The following LUC7L3 variants were observed in gnomAD, a reference collection of about 807,000 sequenced individuals.
The protein encoded by LUC7L3 is luc7-like protein 3.
A neutral mutation model predicts 66.8 loss-of-function variants in LUC7L3; 6 were observed. The observed-to-expected ratio is 0.09, with a 90% CI of 0.05 to 0.18. The LOEUF (loss-of-function observed/expected upper bound fraction) is 0.18. Among genes scored for constraint, LUC7L3 ranks in the 10% least tolerant of loss-of-function variants. The pLI, the probability that LUC7L3 is intolerant of heterozygous loss-of-function variation, is 1.00. For synonymous variants in LUC7L3, 160 were observed against 174.7 expected (o/e 0.92, Z 0.66); for missense variants, 341 against 531.1 (o/e 0.64, Z 3.52).
Position 50,733,964 on chromosome 17 carries a change from T to C in LUC7L3, c.100-2996T>C, listed in dbSNP as rs545502258. ...GTTTATAAAAATCGAGTATTGGCATTGGTATTTTACTGTGTTGCATTTAAA... is the reference window on the plus strand; with the variant it reads ...GTTTATAAAAATCGAGTATTGGCATCGGTATTTTACTGTGTTGCATTTAAA... On this transcript the variant is annotated intron_variant, in intron 1 of 9. Coordinates refer to ENST00000505658, the MANE Select transcript of LUC7L3 (RefSeq NM_016424.5). 2.0e-5 allele frequency among the ~76,000 whole-genome samples: 3 copies of C among 152,274 alleles called. No individual in the cohort carries two copies. In the East Asian group the frequency reaches 5.8e-4, roughly 29 times the overall value.
At chr17:50,735,462 TC>T (rs1284810258) in intron 1 of LUC7L3, among the ~76,000 whole-genome samples, 3 of 152,052 alleles carry the variant, frequency 2.0e-5, no homozygotes, top group African/African-American at 7.2e-5. Context: ...TCATTTCCTT[TC>T]CCTTTTCCTT....
chr17:50,738,186 A>C (rs1168550056), intron 2 of LUC7L3: 1 of 455,548 alleles, frequency 2.2e-6, no homozygotes, highest in Middle Eastern at 3.3e-4. Context: ...GTTCCTGAGA[A>C]GTGATCTCTG....
At position 50,755,720 on chromosome 17, in the gene LUC7L3, C is replaced by T. The variant is rs1490654688; in HGVS notation, c.*5059C>T. Reference sequence around the variant, plus strand: ...GTAGCCATTCATTCCCGGATACATACCCTAGAGAAACTCTTACACATGCGT... The same window carrying T: ...GTAGCCATTCATTCCCGGATACATATCCTAGAGAAACTCTTACACATGCGT... On this transcript the variant is annotated 3_prime_UTR_variant, in exon 10 of 10. Coordinates refer to ENST00000505658, the MANE Select transcript of LUC7L3 (RefSeq NM_016424.5). 4 of 152,130 alleles carry T rather than the reference C, an allele frequency of 2.6e-5. No homozygotes were observed. Among genetic ancestry groups the T allele is most frequent in the African/African-American group, 9.7e-5 (4 of 41,430 alleles). 9.4% of individuals were successfully genotyped at this position (152,130 alleles called of 1,614,324 possible). A position where few individuals can be genotyped will look rare whatever the true frequency, so the allele number is the denominator to read the frequency against.
intron 1 of LUC7L3, chr17:50,723,786 G>A: frequency 3.0e-6 from 1 of 336,092 alleles, no homozygotes; most frequent in Non-Finnish European, 5.9e-6. Flanking sequence ...GCAGGTGTGG[G>A]CCACCACGCC....
rs144293937 is a variant in LUC7L3 at position 50,740,857 on chromosome 17, G to T, written c.207-245G>T. Among the ~76,000 whole-genome samples, 13 of 152,248 alleles carry T rather than the reference G, an allele frequency of 8.5e-5. No homozygotes were observed. The East Asian group carries it at 2.1e-3, about 25-fold the overall frequency. On this transcript the variant is annotated intron_variant, in intron 3 of 9. Transcript: ENST00000505658. ...TTACAGGCGTGAGCCACCATGCCCA[G>T]CCCCGATTTTATCCATGAGACTTGT... is the stretch of plus-strand genomic sequence containing the variant.
chr17:50,746,030 C>T (rs772275367), intron 8 of LUC7L3, 27 bp downstream of exon 8: 2 of 1,562,022 alleles, frequency 1.3e-6, no homozygotes, highest in Non-Finnish European at 1.7e-6. Context: ...CTAAGACTGT[C>T]CAGCTCATAA....
chr17:50,753,832 A>G lies in LUC7L3; in HGVS notation c.*3171A>G, dbSNP rs1971061156. On this transcript the variant is annotated 3_prime_UTR_variant, in exon 10 of 10. Coordinates refer to ENST00000505658, the MANE Select transcript of LUC7L3 (RefSeq NM_016424.5). The stretch of plus-strand genomic sequence containing the variant: ...TAGAATCAACGTCTAACTAACTTAA[A>G]TGAAGTATAATAAATGAGTTCATAT... 6.6e-6 allele frequency: 1 copy of G among 152,208 alleles called. No homozygotes were observed. The highest frequency in any genetic ancestry group is 2.4e-5 in the African/African-American group (1 of 41,452). 9.4% of individuals were successfully genotyped at this position (152,208 alleles called of 1,614,324 possible). A position where few individuals can be genotyped will look rare whatever the true frequency, so the allele number is the denominator to read the frequency against.
At chr17:50,749,267 C>G in intron 9 of LUC7L3, 1 of 1,289,144 alleles carries the variant, frequency 7.8e-7, no homozygotes, top group Non-Finnish European at 1.0e-6. Flanking sequence ...TACGGGACAA[C>G]AAGACGACTC....
chr17:50,728,118 A>C (rs1249820891), intron 1 of LUC7L3, among the ~76,000 whole-genome samples: 1 of 4,144 alleles, frequency 2.4e-4, no homozygotes, highest in Non-Finnish European at 6.3e-4. Flanking sequence ...ATCTGTCTCA[A>C]AAAAAAAAAA....
chr17:50,753,167 CTATCTA>C lies in LUC7L3; in HGVS notation c.*2509_*2514del, dbSNP rs1457475312. On this transcript the variant is annotated 3_prime_UTR_variant, in exon 10 of 10. Coordinates refer to ENST00000505658, the MANE Select transcript of LUC7L3 (RefSeq NM_016424.5). ...ATCTAGGAAAACCGGCAGCATGTTT[CTATCTA>C]TAGCCAGCTTCTTCGACTGTATAAA... The C allele has an allele frequency of 6.6e-6, 1 of 152,388 alleles. No individual in the cohort carries two copies. Among genetic ancestry groups the C allele is most frequent in the Non-Finnish European group, 1.5e-5 (1 of 68,036 alleles). 9.4% of individuals were successfully genotyped at this position (152,388 alleles called of 1,614,324 possible). A position where few individuals can be genotyped will look rare whatever the true frequency, so the allele number is the denominator to read the frequency against.
At chr17:50,734,667 A>G (rs1246706478) in intron 1 of LUC7L3, among the ~76,000 whole-genome samples, 1 of 152,202 alleles carries the variant, frequency 6.6e-6, no homozygotes, top group East Asian at 1.9e-4. Context: ...GAATAATCTT[A>G]AAAATCAAGT....
intron 1 of LUC7L3, chr17:50,723,516 C>A (rs1164466548): frequency 6.6e-6 from 1 of 152,324 alleles, no homozygotes; most frequent in Non-Finnish European, 1.5e-5. Flanking sequence ...AAGCAAAAAA[C>A]TAGTAATTAT....
At position 50,755,802 on chromosome 17, in the gene LUC7L3, G is replaced by A. The variant is rs765424718; in HGVS notation, c.*5141G>A. 3 of 152,154 alleles carry A rather than the reference G, an allele frequency of 2.0e-5. No homozygotes were observed. The highest frequency in any genetic ancestry group is 4.4e-5 in the Non-Finnish European group (3 of 68,034). The allele number at this position is 152,154 out of a possible 1,614,324, so 9.4% of individuals were successfully genotyped here. A position where few individuals can be genotyped will look rare whatever the true frequency, so the allele number is the denominator to read the frequency against. ...ATAGGAAGAAAAGAAGAAAAAACCCGGGAAGATCCCAAGTGTCCACCAACA... is the reference window on the plus strand; with the variant it reads ...ATAGGAAGAAAAGAAGAAAAAACCCAGGAAGATCCCAAGTGTCCACCAACA... On this transcript the variant is annotated 3_prime_UTR_variant, in exon 10 of 10. Coordinates refer to ENST00000505658, the MANE Select transcript of LUC7L3 (RefSeq NM_016424.5).
At chr17:50,736,616 G>A (rs1057281450) in intron 1 of LUC7L3, 2 of 214,844 alleles carry the variant, frequency 9.3e-6, no homozygotes, top group African/African-American at 4.7e-5. Context: ...CTATGAAAGA[G>A]ATGAAATGAT....
chr17:50,720,080 A>T (rs1175895937), intron 1 of LUC7L3, among the ~76,000 whole-genome samples: 1 of 152,258 alleles, frequency 6.6e-6, no homozygotes, highest in Admixed American at 6.5e-5. Context: ...CACCTTGATG[A>T]GGCGGGGAAA....
At chr17:50,741,805 C>T (rs1228460494) in intron 5 of LUC7L3, 74 bp downstream of exon 5, 9 of 1,149,520 alleles carry the variant, frequency 7.8e-6, no homozygotes, top group Non-Finnish European at 1.2e-5. Flanking sequence ...CAAGGATGGG[C>T]CAGGCATGGT....
At chr17:50,734,253 C>T (rs565989565) in intron 1 of LUC7L3, among the ~76,000 whole-genome samples, 28 of 151,886 alleles carry the variant, frequency 1.8e-4, no homozygotes, top group African/African-American at 5.3e-4. Flanking sequence ...CCGCAACCTC[C>T]GCCTCCCAGG....
At chr17:50,730,513 C>CAAAAAAAAAAAAAAAAAAAAAAAAAAAA (rs3063109) in intron 1 of LUC7L3, among the ~76,000 whole-genome samples, 11 of 59,090 alleles carry the variant, frequency 1.9e-4, no homozygotes, top group African/African-American at 6.0e-4. Context: ...ACTCTGTCTC[C>CAAAAAAAAAAAAAAAAAAAAAAAAAAAA]AAAAAAAAAA....
intron 1 of LUC7L3, among the ~76,000 whole-genome samples, chr17:50,735,188 C>A (rs1969892979): frequency 6.6e-6 from 1 of 150,938 alleles, no homozygotes; most frequent in African/African-American, 2.4e-5. Flanking sequence ...CAAGATCATA[C>A]CATTGCACTC....
Sources: allele counts gnomAD v4.1 joint callset (sites outside exome capture counted in the v4.1 genomes callset), GRCh38; gene constraint gnomAD v4.1.1; transcripts MANE v1.5; gene names NCBI Gene and HGNC (gene_info 2026-07-23, HGNC 2026-07-21).